Variants in TP53BP1 observed in about 807,000 individuals in gnomAD.
TP53BP1 encodes tumor protein p53 binding protein 1.
TP53BP1 carries 61 observed loss-of-function variants against 200.8 expected under a neutral mutation model. The observed-to-expected ratio is 0.30, with a 90% CI of 0.25 to 0.38. The LOEUF is 0.38. TP53BP1 is among the 10% of genes least tolerant of loss of function. The pLI, the probability that TP53BP1 is intolerant of heterozygous loss-of-function variation, is 1.00. For synonymous variants in TP53BP1, 822 were observed against 844.3 expected (o/e 0.97, Z 0.46); for missense variants, 2,144 against 2,371.9 (o/e 0.90, Z 2.00).
intron 8 of TP53BP1, among the ~76,000 whole-genome samples, chr15:43,476,360 A>G (rs1056490997): frequency 6.6e-6 from 1 of 152,228 alleles, no homozygotes; most frequent in Non-Finnish European, 1.5e-5. Flanking sequence ...AAAAACAGCA[A>G]ATGAGCCTTT....
chr15:43,449,202 T>A (rs1299392465), intron 12 of TP53BP1, among the ~76,000 whole-genome samples: 1 of 152,184 alleles, frequency 6.6e-6, no homozygotes, highest in African/African-American at 2.4e-5. Context: ...TACATCTAAC[T>A]GACAGACATC....
At chr15:43,418,525 G>C (rs1446669210) in intron 21 of TP53BP1, among the ~76,000 whole-genome samples, 1 of 150,390 alleles carries the variant, frequency 6.6e-6, no homozygotes, top group Non-Finnish European at 1.5e-5. Flanking sequence ...AAAAAAGATA[G>C]AAAGAAAGCC....
chr15:43,430,697 AGAT>A (rs1218574884), intron 17 of TP53BP1, among the ~76,000 whole-genome samples: 1 of 152,208 alleles, frequency 6.6e-6, no homozygotes, highest in African/African-American at 2.4e-5. Flanking sequence ...CTGAAACTGC[AGAT>A]AATATCAAAC....
Position 43,470,022 on chromosome 15 carries a change from G to A in TP53BP1, c.1225C>T (p.Pro409Ser). The A allele has an allele frequency of 6.2e-7, 1 of 1,613,454 alleles. No homozygotes were observed. The highest frequency in any genetic ancestry group is 1.1e-5 in the South Asian group (1 of 91,052). Residue 409 changes from proline (P) to serine (S), a missense_variant, in exon 11 of 28, where the codon CCT becomes TCT. Pro to Ser is a moderately conservative substitution (Grantham distance 74). Coordinates refer to ENST00000382044, the MANE Select transcript of TP53BP1 (RefSeq NM_001141980.3). ...TSVLSEEGGE[P>S]FQKKLQSGEP... ...CCACTTTGAAGTTTCTTCTGAAAAG[G>A]CTCTCCTCCTTCTTCAGATAACACT... is the stretch of plus-strand genomic sequence containing the variant.
At chr15:43,491,122 G>A (rs1304282462) in intron 4 of TP53BP1, among the ~76,000 whole-genome samples, 2 of 151,192 alleles carry the variant, frequency 1.3e-5, no homozygotes, top group Non-Finnish European at 2.9e-5. Flanking sequence ...TGTCACTCAG[G>A]CTAGATAAAG....
chr15:43,453,067 G>A (rs889428508), intron 12 of TP53BP1, among the ~76,000 whole-genome samples: 5 of 151,674 alleles, frequency 3.3e-5, no homozygotes, highest in Admixed American at 6.6e-5. Context: ...GGTGGTGGGC[G>A]CCTGTAATCC....
chr15:43,477,693 A>G lies in TP53BP1; in HGVS notation c.855T>C (p.Ser285=), dbSNP rs1427337762. Residue 285 remains serine, a synonymous_variant, in exon 8 of 28, where the codon TCT becomes TCC. Coordinates refer to ENST00000382044, the MANE Select transcript of TP53BP1 (RefSeq NM_001141980.3). ...GTCCACTTTCCATAAGTTCTTGTGC[A>G]GACAACTGTTCTTTTGCTTCCATAG... ...VAAMEAKEQL[S]AQELMESGLQ... is the part of the protein sequence containing the mutation. The G allele has an allele frequency of 1.9e-6, 3 of 1,613,708 alleles. No individual in the cohort carries two copies. The South Asian group carries it at 3.3e-5, about 18-fold the overall frequency.
intron 15 of TP53BP1, among the ~76,000 whole-genome samples, chr15:43,439,160 C>G (rs1048920480): frequency 6.6e-6 from 1 of 152,088 alleles, no homozygotes; most frequent in African/African-American, 2.4e-5. Flanking sequence ...TTCGTATATG[C>G]TTGAAACCTT....
rs755640682 is a variant in TP53BP1, at chr15:43,446,589, A to T, written c.2838T>A (p.Gly946=). The T allele has an allele frequency of 1.6e-5, 26 of 1,611,402 alleles. No individual in the cohort carries two copies. The highest frequency in any genetic ancestry group is 2.2e-5 in the Non-Finnish European group (26 of 1,178,406). Reference sequence around the variant, plus strand: ...TGGTGCTTTCTGGATAGTTGCTAATACCTGAAAGAAGTGAGGCAGGGAGGA... The same window carrying T: ...TGGTGCTTTCTGGATAGTTGCTAATTCCTGAAAGAAGTGAGGCAGGGAGGA... ...LEPKRHSTPI[G]ISNYPESTIA... is the part of the protein sequence containing the mutation. Residue 946 remains glycine, a splice_region_variant and synonymous_variant, in exon 14 of 28, where the codon GGT becomes GGA. Coordinates refer to ENST00000382044, the MANE Select transcript of TP53BP1 (RefSeq NM_001141980.3).
upstream of TP53BP1, chr15:43,493,207 G>T (rs1313468959): frequency 3.4e-6 from 5 of 1,454,900 alleles, no homozygotes; most frequent in African/African-American, 1.4e-5. Context: ...CGCTGCCGCC[G>T]CCCGCCACTC....
chr15:43,445,993 A>G (rs1461160537), intron 14 of TP53BP1, among the ~76,000 whole-genome samples: 3 of 152,186 alleles, frequency 2.0e-5, no homozygotes, highest in Non-Finnish European at 4.4e-5. Context: ...GCCTTTCAGC[A>G]TCTGGTCCCT....
upstream of TP53BP1, among the ~76,000 whole-genome samples, chr15:43,495,495 TCACACACACACACACA>T (rs376410840): frequency 3.0e-5 from 4 of 133,350 alleles, no homozygotes; most frequent in Non-Finnish European, 6.4e-5. Flanking sequence ...TGAGACTCCG[TCACACACACACACACA>T]CACACACACA....
At chr15:43,504,882 T>C (rs1362245586) in intron 1 of TP53BP1, among the ~76,000 whole-genome samples, 2 of 151,970 alleles carry the variant, frequency 1.3e-5, no homozygotes, top group African/African-American at 4.8e-5. Flanking sequence ...TAGCCAGGTG[T>C]GTTGGTGCAC....
chr15:43,461,763 G>A (rs1595586209), intron 11 of TP53BP1, among the ~76,000 whole-genome samples: 2 of 151,608 alleles, frequency 1.3e-5, no homozygotes, highest in South Asian at 4.2e-4. Flanking sequence ...CCACCTCCCA[G>A]GTTCAAGTGA....
chr15:43,474,208 T>C (rs2046796952), intron 10 of TP53BP1, among the ~76,000 whole-genome samples: 1 of 151,982 alleles, frequency 6.6e-6, no homozygotes, highest in South Asian at 2.1e-4. Flanking sequence ...CACCAGGAAC[T>C]CCAGCTGGCC....
intron 4 of TP53BP1, among the ~76,000 whole-genome samples, chr15:43,481,323 A>G (rs542255886): frequency 1.3e-5 from 2 of 152,296 alleles, no homozygotes; most frequent in East Asian, 3.9e-4. Context: ...GAAGATATGC[A>G]TTGGATGAGC....
At chr15:43,478,814 G>C (rs1414233161) in intron 7 of TP53BP1, among the ~76,000 whole-genome samples, 2 of 152,188 alleles carry the variant, frequency 1.3e-5, no homozygotes, top group Non-Finnish European at 2.9e-5. Context: ...GAGAGGCTAA[G>C]AAGACCTCCC....
intron 11 of TP53BP1, among the ~76,000 whole-genome samples, chr15:43,462,976 G>C (rs2140068873): frequency 6.6e-6 from 1 of 152,230 alleles, no homozygotes; most frequent in Middle Eastern, 3.4e-3. Flanking sequence ...AGAATCACTT[G>C]AACTCAGGAG....
chr15:43,407,776 C>T (rs550918980), intron 27 of TP53BP1, 167 bp downstream of exon 27: 2 of 788,882 alleles, frequency 2.5e-6, no homozygotes, highest in African/African-American at 3.4e-5. Flanking sequence ...AATATACGTC[C>T]AGTGCTTCAC....
Sources: gnomAD v4.1 joint callset for allele counts (sites outside exome capture counted in the v4.1 genomes callset) on GRCh38, gnomAD v4.1.1 for gene constraint, MANE v1.5 for transcripts, NCBI Gene and HGNC (gene_info 2026-07-23, HGNC 2026-07-21) for gene names.